The following ZDHHC3 variants were observed in gnomAD, a reference collection of about 807,000 sequenced individuals.
ZDHHC3 encodes the protein zDHHC palmitoyltransferase 3, also known as palmitoyltransferase ZDHHC3.
In ZDHHC3, 9 loss-of-function variants were observed where a neutral mutation model predicts 30.6. That is an observed-to-expected ratio of 0.29 (90% CI 0.18 to 0.51). The LOEUF is 0.51. Among genes scored for constraint, ZDHHC3 ranks in the 20% least tolerant of loss-of-function variants. The pLI is 0.97. For synonymous variants in ZDHHC3, 136 were observed against 140.2 expected (o/e 0.97, Z 0.21); for missense variants, 246 against 384.2 (o/e 0.64, Z 3.01).
intron 2 of ZDHHC3, chr3:44,958,496 G>A (rs1254092980): frequency 9.5e-7 from 1 of 1,054,072 alleles, no homozygotes; most frequent in African/African-American, 1.6e-5. Context: ...TTAATACCAG[G>A]GTGCACAAAC....
chr3:44,948,214 C>G (rs539324788), intron 2 of ZDHHC3, among the ~76,000 whole-genome samples: 1 of 152,064 alleles, frequency 6.6e-6, no homozygotes, highest in South Asian at 2.1e-4. Flanking sequence ...GATAGAGCAC[C>G]CTGGTCTCCC....
chr3:44,944,993 C>A (rs1257110857), intron 3 of ZDHHC3, among the ~76,000 whole-genome samples, 175 bp downstream of exon 3: 2 of 152,176 alleles, frequency 1.3e-5, no homozygotes, highest in African/African-American at 2.4e-5. Flanking sequence ...TCACAGGGAC[C>A]AGGAAGGAGA....
chr3:44,918,440 C>T lies in ZDHHC3; in HGVS notation c.*8249G>A. On this transcript the variant is annotated 3_prime_UTR_variant, in exon 7 of 7. Coordinates refer to ENST00000424952, the MANE Select transcript of ZDHHC3 (RefSeq NM_001135179.2). ...CCAGCCCTCCCCTTCTTTCCTTCCA[C>T]AAGTGCAATGCCAGATGATGGGCAG... 2.0e-6 allele frequency: 2 copies of T among 985,434 alleles called. No homozygotes were observed. Among genetic ancestry groups the T allele is most frequent in the Non-Finnish European group, 2.4e-6 (2 of 829,918 alleles). 61.0% of individuals were successfully genotyped at this position (985,434 alleles called of 1,614,324 possible). A position where few individuals can be genotyped will look rare whatever the true frequency, so the allele number is the denominator to read the frequency against.
Position 44,926,095 on chromosome 3 carries a change from G to C in ZDHHC3, c.*594C>G, listed in dbSNP as rs774378358. ...ATTCTACACACCCCAAGCCCATAAA[G>C]TACAAGGCAGGCAATTGCTTTGCGA... is the stretch of plus-strand genomic sequence containing the variant. On this transcript the variant is annotated 3_prime_UTR_variant, in exon 7 of 7. Coordinates refer to ENST00000424952, the MANE Select transcript of ZDHHC3 (RefSeq NM_001135179.2). 9.1e-6 allele frequency: 9 copies of C among 985,730 alleles called. No individual in the cohort carries two copies. Among genetic ancestry groups the C allele is most frequent in the Non-Finnish European group, 8.4e-6 (7 of 829,976 alleles). 61.1% of individuals were successfully genotyped at this position (985,730 alleles called of 1,614,324 possible). A position where few individuals can be genotyped will look rare whatever the true frequency, so the allele number is the denominator to read the frequency against.
At chr3:44,947,465 T>A (rs1250595740) in intron 2 of ZDHHC3, among the ~76,000 whole-genome samples, 2 of 152,210 alleles carry the variant, frequency 1.3e-5, no homozygotes, top group African/African-American at 4.8e-5. Context: ...AGTTTCCTAA[T>A]CAGTGAGGCA....
At chr3:44,966,977 T>C (rs1020251852) in intron 1 of ZDHHC3, among the ~76,000 whole-genome samples, 1 of 152,206 alleles carries the variant, frequency 6.6e-6, no homozygotes, top group Non-Finnish European at 1.5e-5. Context: ...AGCTGGCCTG[T>C]TTTATAAGAT....
Position 44,918,163 on chromosome 3 carries a change from A to G in ZDHHC3, c.*8526T>C. 4 of 1,300,572 alleles carry G rather than the reference A, an allele frequency of 3.1e-6. No individual in the cohort carries two copies. Among genetic ancestry groups the G allele is most frequent in the Non-Finnish European group, 4.1e-6 (4 of 985,688 alleles). 80.6% of individuals were successfully genotyped at this position (1,300,572 alleles called of 1,614,324 possible). ...GATGCCCTGCAGGGAGAAGGGGATG[A>G]AGAACATCGTCAGCGTGGTGCTGGG... is the stretch of plus-strand genomic sequence containing the variant. On this transcript the variant is annotated 3_prime_UTR_variant, in exon 7 of 7. Transcript: ENST00000424952.
chr3:44,940,781 G>T (rs548940118), intron 3 of ZDHHC3, among the ~76,000 whole-genome samples: 1 of 152,174 alleles, frequency 6.6e-6, no homozygotes, highest in South Asian at 2.1e-4. Flanking sequence ...GTTTCTCTGG[G>T]GCTTATGTGT....
At chr3:44,941,033 G>A (rs1198763674) in intron 3 of ZDHHC3, among the ~76,000 whole-genome samples, 1 of 152,160 alleles carries the variant, frequency 6.6e-6, no homozygotes, top group Non-Finnish European at 1.5e-5. Flanking sequence ...TATAAGCTCA[G>A]AGTCGAGCTC....
intron 2 of ZDHHC3, among the ~76,000 whole-genome samples, chr3:44,948,766 G>A (rs1398701938): frequency 2.6e-5 from 4 of 152,046 alleles, no homozygotes; most frequent in African/African-American, 9.7e-5. Flanking sequence ...CAGATCTCCT[G>A]TCGTCTGCTC....
Position 44,920,780 on chromosome 3 carries a change from C to T in ZDHHC3, c.*5909G>A, listed in dbSNP as rs2125781903. 1.0e-6 allele frequency: 1 copy of T among 985,432 alleles called. No homozygotes were observed. The allele number at this position is 985,432 out of a possible 1,614,324, so 61.0% of individuals were successfully genotyped here. A position where few individuals can be genotyped will look rare whatever the true frequency, so the allele number is the denominator to read the frequency against. On this transcript the variant is annotated 3_prime_UTR_variant, in exon 7 of 7. Transcript: ENST00000424952. Reference sequence around the variant, plus strand: ...ATAGGCACTCTTGGATTATACTCAACCTCCTCACCAACCTCATAAAGTATT... The same window carrying T: ...ATAGGCACTCTTGGATTATACTCAATCTCCTCACCAACCTCATAAAGTATT...
rs11925834 is a variant in ZDHHC3, at chr3:44,945,145, G to A, written c.431+23C>T. On this transcript the variant is annotated intron_variant, in intron 3 of 6. Coordinates refer to ENST00000424952, the MANE Select transcript of ZDHHC3 (RefSeq NM_001135179.2). Reference sequence around the variant, plus strand: ...GAGGCAGGACAGTGGGAGAAGAGAGGAGGCGAGCCCCAGTGAGTGTACCTG... The same window carrying A: ...GAGGCAGGACAGTGGGAGAAGAGAGAAGGCGAGCCCCAGTGAGTGTACCTG... 2.3e-4 allele frequency: 377 copies of A among 1,613,324 alleles called. 3 individuals are homozygous for A. The African/African-American group carries it at 4.1e-3, about 17-fold the overall frequency.
chr3:44,962,791 C>T (rs1217969382), intron 1 of ZDHHC3, among the ~76,000 whole-genome samples: 1 of 152,198 alleles, frequency 6.6e-6, no homozygotes, highest in Admixed American at 6.5e-5. Flanking sequence ...TTCCTGCCTA[C>T]TCATTTCTGT....
intron 1 of ZDHHC3, among the ~76,000 whole-genome samples, chr3:44,968,774 A>T (rs1197067037): frequency 6.6e-6 from 1 of 152,188 alleles, no homozygotes. Context: ...TCATTAATGG[A>T]GCATGACACT....
chr3:44,968,028 G>A (rs530842766), intron 1 of ZDHHC3, among the ~76,000 whole-genome samples: 1 of 152,262 alleles, frequency 6.6e-6, no homozygotes, highest in East Asian at 1.9e-4. Flanking sequence ...AGAGGGGTTG[G>A]GGAATATTCC....
chr3:44,963,367 C>T (rs568859864), intron 1 of ZDHHC3, among the ~76,000 whole-genome samples: 1 of 152,160 alleles, frequency 6.6e-6, no homozygotes, highest in South Asian at 2.1e-4. Flanking sequence ...TCAAAATATC[C>T]CCATCAAAAC....
Position 44,921,602 on chromosome 3 carries a change from G to T in ZDHHC3, c.*5087C>A, listed in dbSNP as rs570638934. 5.9e-5 allele frequency: 58 copies of T among 985,262 alleles called. No homozygotes were observed. Among genetic ancestry groups the T allele is most frequent in the Non-Finnish European group, 7.0e-5 (58 of 829,940 alleles). The allele number at this position is 985,262 out of a possible 1,614,324, so 61.0% of individuals were successfully genotyped here. A position where few individuals can be genotyped will look rare whatever the true frequency, so the allele number is the denominator to read the frequency against. On this transcript the variant is annotated 3_prime_UTR_variant, in exon 7 of 7. Transcript: ENST00000424952. ...GTTTGAAAAGCACAGCTCCAACACA[G>T]CTAACATTTATAAAGCCATACCAGG...
chr3:44,973,600 A>G (rs1006300785), intron 1 of ZDHHC3, among the ~76,000 whole-genome samples: 5 of 152,108 alleles, frequency 3.3e-5, no homozygotes, highest in Non-Finnish European at 7.3e-5. Context: ...CTGGGATTGC[A>G]GGCATGCGCC....
chr3:44,973,781 A>C (rs1176888826), intron 1 of ZDHHC3, among the ~76,000 whole-genome samples: 1 of 152,244 alleles, frequency 6.6e-6, no homozygotes, highest in Non-Finnish European at 1.5e-5. Flanking sequence ...TAAAGTGCTT[A>C]GAACAATGCT....
Sources: allele counts gnomAD v4.1 joint callset (sites outside exome capture counted in the v4.1 genomes callset), GRCh38; gene constraint gnomAD v4.1.1; transcripts MANE v1.5; gene names NCBI Gene and HGNC (gene_info 2026-07-23, HGNC 2026-07-21).